Variants in MORC1 observed in about 807,000 individuals in gnomAD.
The protein encoded by MORC1 is MORC family CW-type zinc finger protein 1.
Under a neutral mutation model 134.9 loss-of-function variants are expected in MORC1, and 59 were observed. The observed-to-expected ratio is 0.44, with a 90% CI of 0.35 to 0.54. The LOEUF (loss-of-function observed/expected upper bound fraction) is 0.54. MORC1 is among the 20% of genes least tolerant of loss of function. The probability of loss-of-function intolerance (pLI) is 0.00; values close to 1 mark genes in which losing one functional copy is unlikely to be tolerated. For synonymous variants in MORC1, 395 were observed against 391.7 expected (o/e 1.01, Z -0.10); for missense variants, 947 against 1,134.5 (o/e 0.83, Z 2.37).
At chr3:108,984,665 C>A in intron 23 of MORC1, 51 bp downstream of exon 23, 1 of 1,288,782 alleles carries the variant, frequency 7.8e-7, no homozygotes, top group Non-Finnish European at 1.1e-6. Flanking sequence ...AATTACTTTT[C>A]AGCAGGATAA....
intron 1 of MORC1, 65 bp downstream of exon 1, chr3:109,117,930 G>A (rs1951306114): frequency 6.6e-6 from 9 of 1,366,958 alleles, no homozygotes; most frequent in Non-Finnish European, 9.2e-6. Flanking sequence ...CAGGGGACGG[G>A]CAAAACCTTT....
Position 108,958,974 on chromosome 3 carries a change from C to A in MORC1, c.2946G>T (p.Ser982=), listed in dbSNP as rs2197737. The A allele has an allele frequency of 0.34, 499,523 of 1,475,296 alleles. 87,850 individuals are homozygous for A. Among genetic ancestry groups the A allele is most frequent in the Middle Eastern group, 0.48 (1,986 of 4,132 alleles). 91.4% of individuals were successfully genotyped at this position (1,475,296 alleles called of 1,614,324 possible). The change falls in exon 28 of 28, where the codon TCG becomes TCT. Residue 982 remains serine, a synonymous_variant. Coordinates refer to ENST00000232603, the MANE Select transcript of MORC1 (RefSeq NM_014429.4). ...RLPLEKNEKT[S]EN ...TAATACCATCTCTGACTTAATTTTC[C>A]GAAGTCTTTTCATTTTTTTCTAAAG...
At chr3:109,045,626 G>T (rs1949677628) in intron 14 of MORC1, among the ~76,000 whole-genome samples, 2 of 152,122 alleles carry the variant, frequency 1.3e-5, no homozygotes, top group Non-Finnish European at 2.9e-5. Flanking sequence ...TGGTCTACTT[G>T]AAGTGAAAAA....
intron 7 of MORC1, 145 bp downstream of exon 7, chr3:109,094,764 A>G (rs1559949005): frequency 9.5e-6 from 7 of 734,522 alleles, no homozygotes; most frequent in African/African-American, 1.9e-5. Context: ...GACAAAGCTC[A>G]TATGGATAAA....
At chr3:108,991,353 C>T (rs950124892) in intron 21 of MORC1, among the ~76,000 whole-genome samples, 1 of 152,032 alleles carries the variant, frequency 6.6e-6, no homozygotes, top group Non-Finnish European at 1.5e-5. Context: ...AGAATATGTT[C>T]TATGTTTAAA....
intron 9 of MORC1, among the ~76,000 whole-genome samples, chr3:109,064,143 G>A (rs551346068): frequency 1.2e-4 from 19 of 152,118 alleles, no homozygotes; most frequent in Middle Eastern, 3.4e-3. Flanking sequence ...GTATGCATGC[G>A]TGTGTACATA....
At chr3:109,007,587 G>A (rs186800048) in intron 17 of MORC1, among the ~76,000 whole-genome samples, 235 of 152,246 alleles carry the variant, frequency 1.5e-3, no homozygotes, top group African/African-American at 5.3e-3. Context: ...TTATTTTCAT[G>A]TTTCCATACT....
At chr3:109,115,784 C>G (rs572904054) in intron 1 of MORC1, among the ~76,000 whole-genome samples, 29 of 152,258 alleles carry the variant, frequency 1.9e-4, no homozygotes, top group Admixed American at 3.9e-4. Flanking sequence ...GGAGCTCAAG[C>G]TGGTGGGGTA....
At chr3:108,982,607 C>A (rs59490030) in intron 23 of MORC1, among the ~76,000 whole-genome samples, 3,780 of 149,782 alleles carry the variant, frequency 0.025, 179 homozygotes, top group African/African-American at 0.088. Flanking sequence ...GGAGGGATAG[C>A]ATTAGGAGAA....
In MORC1 at chr3:109,044,986, G is replaced by T. The variant is rs113518989; in HGVS notation, c.1331-9518C>A. Among the ~76,000 whole-genome samples the T allele has an allele frequency of 8.4e-3, 1,267 of 150,820 alleles. 15 individuals are homozygous for T. The highest frequency in any genetic ancestry group is 0.019 in the African/African-American group (790 of 41,102). On this transcript the variant is annotated intron_variant, in intron 14 of 27. Coordinates refer to ENST00000232603, the MANE Select transcript of MORC1 (RefSeq NM_014429.4). The stretch of plus-strand genomic sequence containing the variant: ...GAAAAAGAAATACAACATCCTCTTA[G>T]ATGTCAGTTTTGTATCTGTTCATAG...
At chr3:108,982,588 G>T (rs1399044943) in intron 23 of MORC1, among the ~76,000 whole-genome samples, 3 of 151,608 alleles carry the variant, frequency 2.0e-5, no homozygotes, top group Non-Finnish European at 2.9e-5. Flanking sequence ...TGGGATGGGG[G>T]GGGCAGGGGG....
chr3:109,049,898 G>A (rs1220077624), intron 14 of MORC1, among the ~76,000 whole-genome samples: 1 of 151,986 alleles, frequency 6.6e-6, no homozygotes, highest in Non-Finnish European at 1.5e-5. Flanking sequence ...ATACTAGGAC[G>A]GTAAATATAT....
chr3:109,021,711 C>T (rs1031675865), intron 17 of MORC1, among the ~76,000 whole-genome samples: 1 of 152,156 alleles, frequency 6.6e-6, no homozygotes, highest in Non-Finnish European at 1.5e-5. Flanking sequence ...ATCATTAGTG[C>T]TGTCCGGGTC....
chr3:109,091,668 G>A (rs1950731825), intron 8 of MORC1, among the ~76,000 whole-genome samples: 1 of 152,050 alleles, frequency 6.6e-6, no homozygotes, highest in African/African-American at 2.4e-5. Context: ...CAGAGGCCAT[G>A]AAATATATCG....
chr3:109,006,467 A>G (rs1948543070), intron 18 of MORC1, among the ~76,000 whole-genome samples: 1 of 152,244 alleles, frequency 6.6e-6, no homozygotes, highest in African/African-American at 2.4e-5. Flanking sequence ...ATTTATTTAA[A>G]GGTTGTCTGA....
rs748138644 is a variant in MORC1 at position 109,000,606 on chromosome 3, C to T, written c.2138G>A (p.Cys713Tyr). The T allele has an allele frequency of 3.7e-6, 6 of 1,611,634 alleles. No individual in the cohort carries two copies. The highest frequency in any genetic ancestry group is 1.1e-5 in the South Asian group (1 of 90,674). Residue 713 changes from cysteine to tyrosine, a missense_variant, in exon 21 of 28, where the codon TGT (cysteine) becomes TAT (tyrosine). Around this residue, in one of 3 missense-constraint regions of MORC1, gnomAD observed 722 missense variants for 817.0 expected, o/e 0.88. Coordinates refer to ENST00000232603, the MANE Select transcript of MORC1 (RefSeq NM_014429.4). ...GTTCTCATCTTCAGTCAATACCTTA[C>T]ATTCCTCTACAAAGTTCAGACTCTG... ...RKQSLNFVEECKVLTEDENTS... is the reference protein window; with the variant it reads ...RKQSLNFVEEYKVLTEDENTS...
At chr3:108,961,799 C>A (rs2107347726) in intron 27 of MORC1, among the ~76,000 whole-genome samples, 1 of 152,312 alleles carries the variant, frequency 6.6e-6, no homozygotes, top group African/African-American at 2.4e-5. Flanking sequence ...AGAGGTTTGG[C>A]AGAGAAGGAG....
chr3:109,067,243 T>G (rs1950218266), intron 9 of MORC1, among the ~76,000 whole-genome samples: 1 of 152,234 alleles, frequency 6.6e-6, no homozygotes, highest in African/African-American at 2.4e-5. Context: ...GAATGTTTGT[T>G]GCCTAAAATC....
At chr3:109,076,094 G>A (rs1308114591) in intron 8 of MORC1, among the ~76,000 whole-genome samples, 1 of 151,842 alleles carries the variant, frequency 6.6e-6, no homozygotes, top group Non-Finnish European at 1.5e-5. Context: ...TCTGACAAAG[G>A]GCTACTATCC....
Sources: allele counts gnomAD v4.1 joint callset (sites outside exome capture counted in the v4.1 genomes callset), GRCh38; gene constraint gnomAD v4.1.1; regional missense constraint gnomAD v4.1.1; transcripts MANE v1.5; gene names NCBI Gene and HGNC (gene_info 2026-07-23, HGNC 2026-07-21).